UNC93A: variants seen among roughly 807,000 people sequenced by gnomAD.
UNC93A encodes the protein unc-93 homolog A.
A neutral mutation model predicts 47.5 loss-of-function variants in UNC93A; 43 were observed. The ratio of observed to expected loss-of-function variants is 0.91; its 90% confidence interval spans 0.71 to 1.17. UNC93A has a LOEUF of 1.17. Among genes scored for constraint, UNC93A ranks in the 50% most tolerant of loss-of-function variants. The pLI is 0.00. For missense variants in UNC93A, 605 were observed against 577.6 expected (o/e 1.05, Z -0.49); for synonymous variants, 280 against 258.0 (o/e 1.09, Z -0.82).
chr6:167,303,672 A>G (rs935840006), intron 4 of UNC93A, among the ~76,000 whole-genome samples: 1 of 152,114 alleles, frequency 6.6e-6, no homozygotes, highest in Non-Finnish European at 1.5e-5. Context: ...CGGTGAGGAC[A>G]ATACTGACCT....
At chr6:167,275,126 G>A (rs1269109157) in intron 1 of UNC93A, among the ~76,000 whole-genome samples, 1 of 152,180 alleles carries the variant, frequency 6.6e-6, no homozygotes, top group African/African-American at 2.4e-5. Context: ...TGTCTGGGCA[G>A]TTGCATGCAG....
chr6:167,282,414 C>T (rs1479203111), intron 1 of UNC93A, among the ~76,000 whole-genome samples: 1 of 151,830 alleles, frequency 6.6e-6, no homozygotes, highest in Admixed American at 6.6e-5. Context: ...ATTTTTTGTG[C>T]TGATTCTTTC....
rs138015603 is a variant in UNC93A, at chr6:167,278,173, C to T, written c.-52+6715C>T. ...AAGGAAAAAGGGACACATTACATTA[C>T]ATTACATGAACCTCAGTCACTTGTT... On this transcript the variant is annotated intron_variant, in intron 1 of 3. Transcript: ENST00000503433. Among the ~76,000 whole-genome samples, 83 of 152,350 alleles carry T rather than the reference C, an allele frequency of 5.4e-4. No individual in the cohort carries two copies. The Middle Eastern group carries it at 0.014, about 25-fold the overall frequency.
intron 4 of UNC93A, among the ~76,000 whole-genome samples, chr6:167,303,532 T>TA (rs150640304): frequency 0.027 from 4,084 of 149,754 alleles, 179 homozygotes; most frequent in African/African-American, 0.092. Flanking sequence ...ATCATTATCC[T>TA]AAAAAAAAAA....
At chr6:167,275,236 G>C (rs1757121) in intron 1 of UNC93A, among the ~76,000 whole-genome samples, 1 of 152,204 alleles carries the variant, frequency 6.6e-6, no homozygotes, top group East Asian at 1.9e-4. Flanking sequence ...GACCAGTTCA[G>C]CCTGTCATTC....
chr6:167,287,942 C>A (rs537026420), upstream of UNC93A, among the ~76,000 whole-genome samples: 4 of 152,264 alleles, frequency 2.6e-5, no homozygotes, highest in African/African-American at 4.8e-5. Flanking sequence ...AATGAGGGTG[C>A]CTTAGCCCAA....
upstream of UNC93A, among the ~76,000 whole-genome samples, chr6:167,270,035 C>T (rs1221561700): frequency 2.0e-5 from 2 of 100,134 alleles, no homozygotes; most frequent in African/African-American, 4.1e-5. Context: ...AAGGACTGCC[C>T]AGAGGCTGCA....
rs574632708 is a variant in UNC93A at position 167,303,910 on chromosome 6, T to C, written c.626-9T>C. Reference sequence around the variant, plus strand: ...CATGAAAGCTGAAGCCTTTGCTATGTCCTTTCAGGGAGTGGTGTCCTGGCT... The same window carrying C: ...CATGAAAGCTGAAGCCTTTGCTATGCCCTTTCAGGGAGTGGTGTCCTGGCT... On this transcript the variant is annotated splice_polypyrimidine_tract_variant and intron_variant, in intron 4 of 7. Transcript: ENST00000230256. The C allele has an allele frequency of 1.9e-6, 3 of 1,613,938 alleles. No individual in the cohort carries two copies. The highest frequency in any genetic ancestry group is 2.2e-5 in the East Asian group (1 of 44,886).
intron 1 of UNC93A, among the ~76,000 whole-genome samples, chr6:167,273,631 G>A (rs13195083): frequency 0.71 from 107,551 of 150,966 alleles, 38,803 homozygotes; most frequent in African/African-American, 0.84. Context: ...CCCGGAGAAC[G>A]TGTGGCCCAG....
intron 7 of UNC93A, among the ~76,000 whole-genome samples, chr6:167,309,451 A>G (rs1276423263): frequency 6.6e-6 from 1 of 152,094 alleles, no homozygotes; most frequent in Non-Finnish European, 1.5e-5. Context: ...CAAAGAGGCA[A>G]GACTGCGTGT....
chr6:167,314,566 C>T (rs1408940066), intron 7 of UNC93A, among the ~76,000 whole-genome samples: 1 of 152,192 alleles, frequency 6.6e-6, no homozygotes, highest in Non-Finnish European at 1.5e-5. Context: ...TCCTGGGGCT[C>T]CAAAATCCCT....
chr6:167,299,472 G>A (rs1778181253), intron 4 of UNC93A, among the ~76,000 whole-genome samples: 1 of 152,186 alleles, frequency 6.6e-6, no homozygotes, highest in Admixed American at 6.5e-5. Flanking sequence ...GCTATCGCTG[G>A]AAGTCGACAA....
Position 167,295,479 on chromosome 6 carries a change from C to T in UNC93A, c.270-553C>T, listed in dbSNP as rs1404799528. ...CCTCCCTCGTGCTCCTCGCCTCCCT[C>T]GTGAACCTCGCCTCCCTCGTGATCC... On this transcript the variant is annotated intron_variant, in intron 2 of 7. Coordinates refer to ENST00000230256, the MANE Select transcript of UNC93A (RefSeq NM_018974.4). 3.1e-5 allele frequency among the ~76,000 whole-genome samples: 3 copies of T among 97,114 alleles called. 1 individual carries two copies. The highest frequency in any genetic ancestry group is 1.2e-4 in the African/African-American group (2 of 16,078). 63.7% of individuals were successfully genotyped at this position (97,114 alleles called of 152,430 possible). A position where few individuals can be genotyped will look rare whatever the true frequency, so the allele number is the denominator to read the frequency against.
intron 1 of UNC93A, among the ~76,000 whole-genome samples, chr6:167,276,347 TC>T (rs1414109762): frequency 6.6e-6 from 1 of 152,174 alleles, no homozygotes; most frequent in East Asian, 1.9e-4. Flanking sequence ...CTGACTTCCT[TC>T]CCTCTGGATG....
Position 167,315,286 on chromosome 6 carries a change from T to C in UNC93A, c.1208T>C (p.Met403Thr), listed in dbSNP as rs663606. The C allele has an allele frequency of 0.66, 1,044,479 of 1,574,870 alleles. 355,212 individuals carry two copies. The highest frequency in any genetic ancestry group is 0.92 in the African/African-American group (68,965 of 74,604). ...LGFVIAFGYS[M>T]FLCVHVKLYI... Reference sequence around the variant, plus strand: ...TTCGTCATTGCCTTCGGGTACAGCATGTTTTTGTGCGTGCACGTCAAGCTC... The same window carrying C: ...TTCGTCATTGCCTTCGGGTACAGCACGTTTTTGTGCGTGCACGTCAAGCTC... The change falls in exon 8 of 8, where the codon ATG (methionine) becomes ACG (threonine). Residue 403 changes from methionine (M) to threonine (T), a missense_variant. Coordinates refer to ENST00000230256, the MANE Select transcript of UNC93A (RefSeq NM_018974.4).
intron 7 of UNC93A, among the ~76,000 whole-genome samples, chr6:167,314,267 C>A (rs894661011): frequency 1.3e-5 from 2 of 152,138 alleles, no homozygotes; most frequent in African/African-American, 2.4e-5. Context: ...ATGGAGTTTA[C>A]AAAATTAAAT....
intron 1 of UNC93A, among the ~76,000 whole-genome samples, chr6:167,274,860 TCA>T (rs77803928): frequency 0.24 from 36,381 of 152,020 alleles, 4,923 homozygotes; most frequent in Non-Finnish European, 0.31. Flanking sequence ...AGGTCCAAGC[TCA>T]CAGTGCAAAT....
At position 167,306,006 on chromosome 6, in the gene UNC93A, G is replaced by T; in HGVS notation, c.932G>T (p.Gly311Val). 2.5e-6 allele frequency: 4 copies of T among 1,614,184 alleles called. No individual in the cohort carries two copies. Among genetic ancestry groups the T allele is most frequent in the Non-Finnish European group, 3.4e-6 (4 of 1,180,040 alleles). Residue 311 changes from glycine (G) to valine (V), a missense_variant, in exon 6 of 8, where the codon GGA (glycine) becomes GTA (valine). Transcript: ENST00000230256. ...GACGCGCTGTGCTCCGTGTTGTATG[G>T]AAAGGTCTCGCAGTACACGGGCAGG... ...ATDALCSVLY[G>V]KVSQYTGRAV...
intron 1 of UNC93A, among the ~76,000 whole-genome samples, chr6:167,280,486 G>A (rs365718): frequency 0.025 from 3,781 of 152,284 alleles, 158 homozygotes; most frequent in African/African-American, 0.081. Flanking sequence ...AGAGGGCTGA[G>A]CACATTCACC....
Sources: gnomAD v4.1 joint callset for allele counts (sites outside exome capture counted in the v4.1 genomes callset) on GRCh38, gnomAD v4.1.1 for gene constraint, MANE v1.5 for transcripts, NCBI Gene and HGNC (gene_info 2026-07-23, HGNC 2026-07-21) for gene names.